Variants in UBE2K observed in about 807,000 individuals in gnomAD.
UBE2K encodes the protein ubiquitin conjugating enzyme E2 K, also known as ubiquitin-conjugating enzyme E2 K.
In UBE2K, 6 loss-of-function variants were observed where a neutral mutation model predicts 30.0. That is an observed-to-expected ratio of 0.20 (90% CI 0.11 to 0.39). The LOEUF is 0.39. Among genes scored for constraint, UBE2K ranks in the 10% least tolerant of loss-of-function variants. The pLI, the probability that UBE2K is intolerant of heterozygous loss-of-function variation, is 1.00. For missense variants in UBE2K, 61 were observed against 241.6 expected (o/e 0.25, Z 4.96); for synonymous variants, 86 against 83.7 (o/e 1.03, Z -0.15).
intron 3 of UBE2K, among the ~76,000 whole-genome samples, chr4:39,747,353 C>T (rs1578471532): frequency 6.6e-6 from 1 of 152,196 alleles, no homozygotes; most frequent in South Asian, 2.1e-4. Flanking sequence ...CAATAACTCC[C>T]CATTATTCCC....
At chr4:39,741,963 C>T (rs1224555032) in intron 2 of UBE2K, among the ~76,000 whole-genome samples, 1 of 151,982 alleles carries the variant, frequency 6.6e-6, no homozygotes, top group South Asian at 2.1e-4. Flanking sequence ...TTGTATTACC[C>T]TGATCAAATA....
At chr4:39,703,998 G>A (rs962255865) in intron 1 of UBE2K, among the ~76,000 whole-genome samples, 3 of 151,842 alleles carry the variant, frequency 2.0e-5, no homozygotes, top group South Asian at 2.1e-4. Context: ...TTTGTTTCCC[G>A]TTTTTAGTGT....
intron 1 of UBE2K, among the ~76,000 whole-genome samples, chr4:39,729,283 C>G (rs933517202): frequency 6.6e-6 from 1 of 152,072 alleles, no homozygotes; most frequent in African/African-American, 2.4e-5. Context: ...TCCTATCTTT[C>G]TGACTGTATC....
Position 39,774,655 on chromosome 4 carries a change from GGAA to G in UBE2K, c.300-175_300-173del, listed in dbSNP as rs552090159. On this transcript the variant is annotated intron_variant, in intron 4 of 6. Coordinates refer to ENST00000261427, the MANE Select transcript of UBE2K (RefSeq NM_005339.5). ...AAGAAATAGGCAAATTGTAAAGTAA[GGAA>G]GAAAATATATGATAGGCAGATACAT... is the stretch of plus-strand genomic sequence containing the variant. 3.3e-4 allele frequency among the ~76,000 whole-genome samples: 50 copies of G among 152,082 alleles called. No homozygotes were observed. In the South Asian group the frequency reaches 1.0e-2, roughly 30 times the overall value.
At chr4:39,724,575 C>A (rs1423856455) in intron 1 of UBE2K, among the ~76,000 whole-genome samples, 1 of 121,300 alleles carries the variant, frequency 8.2e-6, no homozygotes, top group Non-Finnish European at 1.7e-5. Context: ...GGTAAAACCC[C>A]GTCTCTGCAA....
At chr4:39,737,609 G>T in intron 2 of UBE2K, 96 bp downstream of exon 2, 1 of 769,374 alleles carries the variant, frequency 1.3e-6, no homozygotes, top group South Asian at 2.1e-5. Flanking sequence ...ATTATATGGA[G>T]GGTAACTTCA....
chr4:39,776,269 G>T (rs1299106249), intron 5 of UBE2K, among the ~76,000 whole-genome samples: 1 of 152,070 alleles, frequency 6.6e-6, no homozygotes, highest in African/African-American at 2.4e-5. Flanking sequence ...GTATCATTCT[G>T]TCACTATATT....
intron 3 of UBE2K, 22 bp downstream of exon 3, chr4:39,745,832 G>T: frequency 6.5e-7 from 1 of 1,540,378 alleles, no homozygotes; most frequent in South Asian, 1.2e-5. Context: ...CTATTTTTGT[G>T]CATGAAGTTA....
chr4:39,779,628 A>G lies in UBE2K; in HGVS notation c.*1194A>G, dbSNP rs1713495592. 6.6e-6 allele frequency: 1 copy of G among 152,650 alleles called. No individual in the cohort carries two copies. The highest frequency in any genetic ancestry group is 1.5e-5 in the Non-Finnish European group (1 of 68,040). The allele number at this position is 152,650 out of a possible 1,614,324, so 9.5% of individuals were successfully genotyped here. ...TACATAGTCAGACTATTTGTATTAAATTTACATTTCATTCTAAGTTCAAAA... is the reference window on the plus strand; with the variant it reads ...TACATAGTCAGACTATTTGTATTAAGTTTACATTTCATTCTAAGTTCAAAA... On this transcript the variant is annotated 3_prime_UTR_variant, in exon 7 of 7. Coordinates refer to ENST00000261427, the MANE Select transcript of UBE2K (RefSeq NM_005339.5).
intron 1 of UBE2K, among the ~76,000 whole-genome samples, chr4:39,728,827 G>GTTTTTTTTTTTTTTT (rs372834149): frequency 2.3e-5 from 3 of 128,660 alleles, no homozygotes; most frequent in Non-Finnish European, 5.2e-5. Flanking sequence ...TGTTTTTTTT[G>GTTTTTTTTTTTTTTT]TTTTTTTTTT....
intron 3 of UBE2K, among the ~76,000 whole-genome samples, chr4:39,749,618 G>A (rs1370125585): frequency 3.3e-5 from 5 of 152,110 alleles, no homozygotes; most frequent in Non-Finnish European, 7.4e-5. Context: ...GGCAGAGGTT[G>A]CAGTGAGCCG....
chr4:39,774,789 T>G (rs1246430344), intron 4 of UBE2K, 45 bp from the exon 5 acceptor site: 1 of 1,267,548 alleles, frequency 7.9e-7, no homozygotes, highest in Non-Finnish European at 1.1e-6. Context: ...TGCTTTTGCC[T>G]GCAGAGCCCT....
intron 1 of UBE2K, among the ~76,000 whole-genome samples, chr4:39,729,851 C>G (rs556502650): frequency 5.6e-4 from 86 of 152,240 alleles, no homozygotes; most frequent in Non-Finnish European, 1.0e-3. Context: ...CGTGTACGCT[C>G]TGCCTTAAGT....
At chr4:39,716,109 C>T (rs921165690) in intron 1 of UBE2K, among the ~76,000 whole-genome samples, 1 of 152,186 alleles carries the variant, frequency 6.6e-6, no homozygotes, top group Non-Finnish European at 1.5e-5. Context: ...TTCCTCTAAC[C>T]TCTGTTACTA....
intron 3 of UBE2K, among the ~76,000 whole-genome samples, chr4:39,751,923 C>T (rs917164387): frequency 6.6e-6 from 1 of 152,110 alleles, no homozygotes; most frequent in Non-Finnish European, 1.5e-5. Context: ...ACCGAGATCG[C>T]ACCACCGCAC....
chr4:39,719,979 A>G (rs1560347282), intron 1 of UBE2K, among the ~76,000 whole-genome samples: 1 of 152,212 alleles, frequency 6.6e-6, no homozygotes, highest in Non-Finnish European at 1.5e-5. Context: ...CTTTCTTTCC[A>G]TCTGCCCATA....
At chr4:39,765,137 G>T (rs1321289517) in intron 4 of UBE2K, among the ~76,000 whole-genome samples, 1 of 152,082 alleles carries the variant, frequency 6.6e-6, no homozygotes, top group Non-Finnish European at 1.5e-5. Context: ...CGCCCGCCTT[G>T]GCCTCCCAAA....
rs1290762875 is a variant in UBE2K, at chr4:39,698,530, C to G, written c.63+140C>G. The G allele has an allele frequency of 8.0e-6, 6 of 748,254 alleles. No individual in the cohort carries two copies. The Admixed American group carries it at 1.1e-4, about 13-fold the overall frequency. The allele number at this position is 748,254 out of a possible 1,614,324, so 46.4% of individuals were successfully genotyped here. On this transcript the variant is annotated intron_variant, in intron 1 of 6. Coordinates refer to ENST00000261427, the MANE Select transcript of UBE2K (RefSeq NM_005339.5). ...CTGCCTGTGAGGAAGCAGCAGTGTT[C>G]CCCTCCTCCTTCCGCCGCCTTCCCC...
intron 4 of UBE2K, among the ~76,000 whole-genome samples, chr4:39,768,156 C>T (rs773901207): frequency 5.3e-5 from 8 of 151,524 alleles, no homozygotes; most frequent in African/African-American, 1.2e-4. Context: ...ACTAGAAAGA[C>T]GGGCCATTGC....
Sources: allele counts gnomAD v4.1 joint callset (sites outside exome capture counted in the v4.1 genomes callset), GRCh38; gene constraint gnomAD v4.1.1; transcripts MANE v1.5; gene names NCBI Gene and HGNC (gene_info 2026-07-23, HGNC 2026-07-21).